The following ANKRD30B variants were observed in gnomAD, a reference collection of about 807,000 sequenced individuals.
ANKRD30B encodes ankyrin repeat domain-containing protein 30B.
In ANKRD30B, 144 loss-of-function variants were observed where a neutral mutation model predicts 202.2. That is an observed-to-expected ratio of 0.71 (90% CI 0.62 to 0.82). The LOEUF (loss-of-function observed/expected upper bound fraction) is 0.82, where lower values mean the gene tolerates loss of function less well. Among genes scored for constraint, ANKRD30B ranks in the 40% least tolerant of loss-of-function variants. ANKRD30B has a pLI of 0.00. For synonymous variants in ANKRD30B, 508 were observed against 561.3 expected (o/e 0.91, Z 1.34); for missense variants, 1,487 against 1,669.1 (o/e 0.89, Z 1.90).
At chr18:14,920,291 G>A in the ANKRD30B span, among the ~76,000 whole-genome samples, 77 of 152,278 alleles carry the variant, frequency 5.1e-4, no homozygotes, top group Middle Eastern at 3.4e-3. Flanking sequence ...GCTTCTTGAC[G>A]CTCAACTGAC....
chr18:14,926,798 G>A, the ANKRD30B span, among the ~76,000 whole-genome samples: 1,428 of 152,174 alleles, frequency 9.4e-3, 25 homozygotes, highest in African/African-American at 0.032. Flanking sequence ...GTAGTGGCGC[G>A]AGCCTATAGT....
the ANKRD30B span, among the ~76,000 whole-genome samples, chr18:14,864,768 T>C: frequency 6.6e-6 from 1 of 151,662 alleles, no homozygotes. Context: ...TCCCCTTCCA[T>C]CTACCCAAAA....
chr18:14,907,156 A>G, the ANKRD30B span, among the ~76,000 whole-genome samples: 1 of 152,106 alleles, frequency 6.6e-6, no homozygotes, highest in South Asian at 2.1e-4. Context: ...AATGCTGGAG[A>G]GTATAATGAG....
At chr18:14,879,474 G>C in the ANKRD30B span, among the ~76,000 whole-genome samples, 1 of 152,044 alleles carries the variant, frequency 6.6e-6, no homozygotes, top group Non-Finnish European at 1.5e-5. Context: ...CCTCGCTGCC[G>C]TGCAGTCCTA....
chr18:14,750,501 G>A (rs1913252085), intron 1 of ANKRD30B, among the ~76,000 whole-genome samples: 2 of 152,128 alleles, frequency 1.3e-5, no homozygotes, highest in African/African-American at 4.8e-5. Flanking sequence ...TAAAGTGTAA[G>A]TTGCAGATGA....
chr18:14,788,287 T>G (rs1265148068), intron 15 of ANKRD30B, among the ~76,000 whole-genome samples: 1 of 152,208 alleles, frequency 6.6e-6, no homozygotes, highest in Non-Finnish European at 1.5e-5. Context: ...CGTGTGAATT[T>G]TTTCATGAAC....
chr18:14,860,347 A>G, the ANKRD30B span, among the ~76,000 whole-genome samples: 48,959 of 84,598 alleles, frequency 0.58, 13,035 homozygotes, highest in African/African-American at 0.68. Context: ...CTTCCCAGAC[A>G]GGGCTGCCGG....
intron 7 of ANKRD30B, among the ~76,000 whole-genome samples, chr18:14,765,575 C>A (rs186901172): frequency 2.6e-5 from 4 of 152,200 alleles, no homozygotes; most frequent in African/African-American, 9.6e-5. Context: ...AATGTGTGAG[C>A]AAATAGGCAT....
chr18:14,815,607 C>A (rs939118630), intron 30 of ANKRD30B, among the ~76,000 whole-genome samples: 1 of 151,948 alleles, frequency 6.6e-6, no homozygotes, highest in African/African-American at 2.4e-5. Flanking sequence ...TAGGAGAAAG[C>A]GTTATGTTGC....
At chr18:14,876,298 A>C in the ANKRD30B span, among the ~76,000 whole-genome samples, 1 of 152,270 alleles carries the variant, frequency 6.6e-6, no homozygotes, top group East Asian at 1.9e-4. Context: ...GCAAGGGCAA[A>C]ACTTGATGGT....
chr18:14,847,356 G>A (rs1177417405), intron 39 of ANKRD30B, among the ~76,000 whole-genome samples: 1 of 150,884 alleles, frequency 6.6e-6, no homozygotes, highest in Non-Finnish European at 1.5e-5. Context: ...CTGGATCTGT[G>A]GGATTGTAGC....
rs192116286 is a variant in ANKRD30B, at chr18:14,779,729, T to G, written c.1421-231T>G. Among the ~76,000 whole-genome samples the G allele has an allele frequency of 4.9e-4, 74 of 152,310 alleles. 1 individual carries two copies. The highest frequency in any genetic ancestry group is 8.4e-4 in the Non-Finnish European group (57 of 68,024). ...TTTGTGAGGAAATAATTAATACAAA[T>G]TAGTCAATTTTTATTGCTTTTTGCA... On this transcript the variant is annotated intron_variant, in intron 10 of 43. Transcript: ENST00000690538.
At chr18:14,830,117 G>C (rs759391193) in intron 33 of ANKRD30B, 8 of 154,686 alleles carry the variant, frequency 5.2e-5, no homozygotes, top group Non-Finnish European at 1.0e-4. Context: ...TCAGTAATCT[G>C]TGCTTAGATG....
intron 30 of ANKRD30B, among the ~76,000 whole-genome samples, chr18:14,818,761 T>A (rs2144099183): frequency 6.6e-6 from 1 of 152,188 alleles, no homozygotes; most frequent in South Asian, 2.1e-4. Context: ...CAGTCTATCA[T>A]TGTTGGATAT....
intron 6 of ANKRD30B, among the ~76,000 whole-genome samples, chr18:14,760,845 CA>C (rs1324184927): frequency 6.6e-6 from 1 of 151,924 alleles, no homozygotes; most frequent in African/African-American, 2.4e-5. Context: ...TTTATAATCT[CA>C]AAAAATATTA....
chr18:14,929,268 C>T, the ANKRD30B span, among the ~76,000 whole-genome samples: 3 of 152,198 alleles, frequency 2.0e-5, no homozygotes, highest in Non-Finnish European at 4.4e-5. Flanking sequence ...TTCCAACTCA[C>T]CCCTGAAGAT....
At chr18:14,892,742 C>CACA in the ANKRD30B span, among the ~76,000 whole-genome samples, 1 of 72,902 alleles carries the variant, frequency 1.4e-5, no homozygotes, top group Non-Finnish European at 2.3e-5. Flanking sequence ...TCTGTTTCAC[C>CACA]AAAAAAAAAA....
intron 12 of ANKRD30B, among the ~76,000 whole-genome samples, chr18:14,783,878 C>G (rs1342243617): frequency 6.6e-6 from 1 of 151,914 alleles, no homozygotes. Flanking sequence ...AGTATATATC[C>G]AAGCTGATCA....
chr18:14,860,161 C>T, the ANKRD30B span, among the ~76,000 whole-genome samples: 1 of 146,048 alleles, frequency 6.8e-6, no homozygotes, highest in African/African-American at 2.5e-5. Context: ...GATGGTGTGT[C>T]ATCCATGCAG....
Sources: gnomAD v4.1 joint callset for allele counts (sites outside exome capture counted in the v4.1 genomes callset) on GRCh38, gnomAD v4.1.1 for gene constraint, MANE v1.5 for transcripts, NCBI Gene and HGNC (gene_info 2026-07-23, HGNC 2026-07-21) for gene names.